Variants in PAWR observed in about 807,000 individuals in gnomAD.
PAWR encodes the protein PRKC apoptosis WT1 regulator protein.
Under a neutral mutation model 32.0 loss-of-function variants are expected in PAWR, and 23 were observed. That is an observed-to-expected ratio of 0.72 (90% CI 0.52 to 1.02). The LOEUF (loss-of-function observed/expected upper bound fraction) is 1.02, where lower values mean the gene tolerates loss of function less well. Among genes scored for constraint, PAWR ranks in the 50% least tolerant of loss-of-function variants. PAWR has a pLI of 0.00. For missense variants in PAWR, 457 were observed against 437.7 expected (o/e 1.04, Z -0.39); for synonymous variants, 226 against 187.1 (o/e 1.21, Z -1.70).
intron 2 of PAWR, among the ~76,000 whole-genome samples, chr12:79,671,485 C>G (rs1449683962): frequency 6.6e-6 from 1 of 152,136 alleles, no homozygotes. Flanking sequence ...CAAACTGAGG[C>G]CATTCCCATC....
intron 3 of PAWR, among the ~76,000 whole-genome samples, chr12:79,617,691 T>C (rs1418717134): frequency 4.6e-5 from 7 of 152,202 alleles, no homozygotes; most frequent in Non-Finnish European, 8.8e-5. Flanking sequence ...GTATATATTA[T>C]GGAAGGATCA....
intron 2 of PAWR, among the ~76,000 whole-genome samples, chr12:79,648,502 T>C (rs886140599): frequency 6.6e-6 from 1 of 151,688 alleles, no homozygotes; most frequent in Non-Finnish European, 1.5e-5. Context: ...CTATAATGTG[T>C]ATTATTTGCA....
intron 5 of PAWR, among the ~76,000 whole-genome samples, chr12:79,595,750 G>C (rs942511086): frequency 2.0e-5 from 3 of 152,134 alleles, no homozygotes; most frequent in African/African-American, 4.8e-5. Flanking sequence ...TACTTGGAAG[G>C]CTGAGGCAGA....
At chr12:79,594,102 A>T (rs1873658036) in intron 6 of PAWR, among the ~76,000 whole-genome samples, 1 of 152,136 alleles carries the variant, frequency 6.6e-6, no homozygotes, top group Non-Finnish European at 1.5e-5. Context: ...ACAGAGAACA[A>T]ATCCATAAAT....
chr12:79,595,876 TAAATA>T (rs1470295996), intron 5 of PAWR, among the ~76,000 whole-genome samples: 1 of 151,842 alleles, frequency 6.6e-6, no homozygotes, highest in Non-Finnish European at 1.5e-5. Context: ...TAAATAAAAA[TAAATA>T]AAACTATGAA....
chr12:79,648,616 C>CAA (rs1876690543), intron 2 of PAWR, among the ~76,000 whole-genome samples: 1 of 103,232 alleles, frequency 9.7e-6, no homozygotes. Flanking sequence ...GACCCTGTCT[C>CAA]TAAAAAAAAA....
Position 79,662,201 on chromosome 12 carries a change from CAAAAAAAAAA to C in PAWR, c.516+27518_516+27527del, listed in dbSNP as rs57565065. Among the ~76,000 whole-genome samples, 17 of 45,712 alleles carry C rather than the reference CAAAAAAAAAA, an allele frequency of 3.7e-4. No individual in the cohort carries two copies. The East Asian group carries it at 7.2e-3, about 19-fold the overall frequency. 30.0% of individuals were successfully genotyped at this position (45,712 alleles called of 152,430 possible). A position where few individuals can be genotyped will look rare whatever the true frequency, so the allele number is the denominator to read the frequency against. On this transcript the variant is annotated intron_variant, in intron 2 of 6. Coordinates refer to ENST00000328827, the MANE Select transcript of PAWR (RefSeq NM_002583.4). ...CTGGGCAACATACTGAGACATCTCT[CAAAAAAAAAA>C]AAAAAAAAAAAAGCATACTAATGCT... is the stretch of plus-strand genomic sequence containing the variant.
chr12:79,672,507 C>T lies in PAWR; in HGVS notation c.516+17222G>A, dbSNP rs570791781. Reference sequence around the variant, plus strand: ...TCCCCTGATTTTTACCTAACTGGCTCCTTCCAAAGTTTGGATCTCAACTAA... The same window carrying T: ...TCCCCTGATTTTTACCTAACTGGCTTCTTCCAAAGTTTGGATCTCAACTAA... On this transcript the variant is annotated intron_variant, in intron 2 of 6. Coordinates refer to ENST00000328827, the MANE Select transcript of PAWR (RefSeq NM_002583.4). Among the ~76,000 whole-genome samples, 9 of 152,246 alleles carry T rather than the reference C, an allele frequency of 5.9e-5. No homozygotes were observed. The East Asian group carries it at 1.3e-3, about 23-fold the overall frequency.
intron 5 of PAWR, among the ~76,000 whole-genome samples, chr12:79,595,647 G>C (rs192834459): frequency 6.6e-6 from 1 of 152,276 alleles, no homozygotes; most frequent in Non-Finnish European, 1.5e-5. Context: ...AGGAATTCAA[G>C]ACCAGCCTGA....
In PAWR at chr12:79,632,326, TA is replaced by T. The variant is rs1875701300; in HGVS notation, c.517-11120del. ...ATATATACATACATATATATATATA[TA>T]TATATATATATATATATATATATAT... On this transcript the variant is annotated intron_variant, in intron 2 of 6. Coordinates refer to ENST00000328827, the MANE Select transcript of PAWR (RefSeq NM_002583.4). Among the ~76,000 whole-genome samples, 9 of 33,314 alleles carry T rather than the reference TA, an allele frequency of 2.7e-4. 1 individual carries two copies. In the South Asian group the frequency reaches 4.0e-3, roughly 15 times the overall value. The allele number at this position is 33,314 out of a possible 152,430, so 21.9% of individuals were successfully genotyped here. A position where few individuals can be genotyped will look rare whatever the true frequency, so the allele number is the denominator to read the frequency against.
intron 2 of PAWR, among the ~76,000 whole-genome samples, chr12:79,627,408 A>G (rs577002015): frequency 7.4e-4 from 113 of 152,262 alleles, no homozygotes; most frequent in Non-Finnish European, 1.2e-3. Flanking sequence ...GTGTCTGTTC[A>G]TATCCTTCGC....
intron 4 of PAWR, among the ~76,000 whole-genome samples, chr12:79,610,142 G>A (rs1270755614): frequency 2.0e-5 from 3 of 152,186 alleles, no homozygotes; most frequent in African/African-American, 4.8e-5. Flanking sequence ...GCCTGCAAAG[G>A]GGCCAGGGAA....
chr12:79,589,367 T>G lies in PAWR; in HGVS notation c.*3240A>C, dbSNP rs940751153. On this transcript the variant is annotated 3_prime_UTR_variant, in exon 7 of 7. Coordinates refer to ENST00000328827, the MANE Select transcript of PAWR (RefSeq NM_002583.4). The stretch of plus-strand genomic sequence containing the variant: ...AAAATCTTACATTTTTATTTCTAAT[T>G]ATAAAATCCAGATTAATCCAAAAAA... 6.6e-6 allele frequency: 1 copy of G among 152,060 alleles called. No individual in the cohort carries two copies. Among genetic ancestry groups the G allele is most frequent in the Non-Finnish European group, 1.5e-5 (1 of 67,958 alleles). 9.4% of individuals were successfully genotyped at this position (152,060 alleles called of 1,614,324 possible). A position where few individuals can be genotyped will look rare whatever the true frequency, so the allele number is the denominator to read the frequency against.
At chr12:79,670,635 G>C (rs1206117023) in intron 2 of PAWR, among the ~76,000 whole-genome samples, 1 of 151,986 alleles carries the variant, frequency 6.6e-6, no homozygotes, top group Non-Finnish European at 1.5e-5. Context: ...AAAATATCAA[G>C]GTAATAGCAA....
intron 2 of PAWR, among the ~76,000 whole-genome samples, chr12:79,680,569 C>A (rs1481909668): frequency 6.6e-6 from 1 of 152,188 alleles, no homozygotes; most frequent in Non-Finnish European, 1.5e-5. Context: ...TCCATTTTCA[C>A]ATATGCCCTA....
At chr12:79,649,373 T>C (rs1396977578) in intron 2 of PAWR, among the ~76,000 whole-genome samples, 4 of 152,134 alleles carry the variant, frequency 2.6e-5, no homozygotes, top group Non-Finnish European at 5.9e-5. Flanking sequence ...TAATATACCA[T>C]AGGTCACTAG....
chr12:79,653,416 GAT>G (rs1195300956), intron 2 of PAWR, among the ~76,000 whole-genome samples: 1 of 152,120 alleles, frequency 6.6e-6, no homozygotes, highest in African/African-American at 2.4e-5. Context: ...TAAAAAGCAG[GAT>G]ATGTTTTTAA....
intron 3 of PAWR, among the ~76,000 whole-genome samples, chr12:79,617,092 T>TGC (rs1874774844): frequency 6.6e-6 from 1 of 152,162 alleles, no homozygotes; most frequent in Non-Finnish European, 1.5e-5. Flanking sequence ...GCACGGTGGC[T>TGC]CACACCTGTA....
chr12:79,601,137 T>C (rs979184100), intron 4 of PAWR, among the ~76,000 whole-genome samples: 7 of 150,738 alleles, frequency 4.6e-5, no homozygotes, highest in Admixed American at 4.0e-4. Flanking sequence ...AACTCCAATA[T>C]GGCTAAAGCA....
Sources: gnomAD v4.1 joint callset for allele counts (sites outside exome capture counted in the v4.1 genomes callset) on GRCh38, gnomAD v4.1.1 for gene constraint, MANE v1.5 for transcripts, NCBI Gene and HGNC (gene_info 2026-07-23, HGNC 2026-07-21) for gene names.